Variants in CHODL observed in about 807,000 individuals in gnomAD.
CHODL encodes transmembrane protein MT75.
Under a neutral mutation model 34.5 loss-of-function variants are expected in CHODL, and 29 were observed. The observed-to-expected ratio is 0.84, with a 90% CI of 0.63 to 1.15. The LOEUF is 1.15. CHODL is among the 50% of genes most tolerant of loss of function. CHODL has a pLI of 0.00. For missense variants in CHODL, 332 were observed against 332.5 expected (o/e 1.00, Z 0.01); for synonymous variants, 125 against 116.1 (o/e 1.08, Z -0.49).
intron 2 of CHODL, among the ~76,000 whole-genome samples, chr21:18,056,493 G>C (rs2064582322): frequency 6.7e-6 from 1 of 148,434 alleles, no homozygotes; most frequent in South Asian, 2.1e-4. Flanking sequence ...TTTTTTTGTG[G>C]TGAGTGGGGC....
chr21:18,080,248 G>T (rs1304339265), intron 2 of CHODL, among the ~76,000 whole-genome samples: 1 of 152,000 alleles, frequency 6.6e-6, no homozygotes, highest in Non-Finnish European at 1.5e-5. Context: ...TTTGTTGGAC[G>T]CATAGTTTGT....
At chr21:18,108,836 GTTGTGTGTGTGTGT>G (rs1211221734) in intron 2 of CHODL, among the ~76,000 whole-genome samples, 14 of 109,328 alleles carry the variant, frequency 1.3e-4, no homozygotes, top group Admixed American at 1.2e-3. Flanking sequence ...TCTTTGCAAT[GTTGTGTGTGTGTGT>G]GTGTGTGTGT....
At chr21:18,199,596 CCT>C (rs2073628924) in intron 2 of CHODL, among the ~76,000 whole-genome samples, 1 of 151,954 alleles carries the variant, frequency 6.6e-6, no homozygotes, top group Non-Finnish European at 1.5e-5. Context: ...TAAAAAATCC[CCT>C]TTGTTCCACC....
rs111989168 is a variant in CHODL at position 18,151,935 on chromosome 21, A to G, written c.-44-104574A>G. On this transcript the variant is annotated intron_variant, in intron 2 of 6. Coordinates refer to the CHODL transcript ENST00000400127. ...TCACATTGAGGGTTAGGATTTTAACATGTGGTTTTGAGGGGATACATTCAG... is the reference window on the plus strand; with the variant it reads ...TCACATTGAGGGTTAGGATTTTAACGTGTGGTTTTGAGGGGATACATTCAG... Among the ~76,000 whole-genome samples the G allele has an allele frequency of 3.5e-3, 534 of 151,966 alleles. 5 individuals are homozygous for G. The highest frequency in any genetic ancestry group is 0.012 in the African/African-American group (497 of 41,440).
intron 1 of CHODL, among the ~76,000 whole-genome samples, chr21:17,935,582 C>G (rs542032913): frequency 5.3e-5 from 8 of 152,124 alleles, no homozygotes; most frequent in South Asian, 2.1e-4. Context: ...TGACAAATGT[C>G]AAGAATTATC....
intron 2 of CHODL, among the ~76,000 whole-genome samples, chr21:18,160,917 C>T: frequency 6.6e-6 from 1 of 152,164 alleles, no homozygotes; most frequent in East Asian, 1.9e-4. Context: ...AACTGTCTTC[C>T]ACAATGACTG....
At chr21:18,050,656 G>C (rs2064502381) in intron 2 of CHODL, among the ~76,000 whole-genome samples, 1 of 151,972 alleles carries the variant, frequency 6.6e-6, no homozygotes, top group Non-Finnish European at 1.5e-5. Flanking sequence ...TGAGATGTTA[G>C]TGCTAGTGTG....
intron 5 of CHODL, among the ~76,000 whole-genome samples, chr21:18,265,237 A>ATATATATATGTG (rs1283318248): frequency 0.071 from 10,293 of 144,460 alleles, 484 homozygotes; most frequent in African/African-American, 0.11. Context: ...ATATGTGTGT[A>ATATATATATGTG]TATATATATG....
intron 1 of CHODL, among the ~76,000 whole-genome samples, chr21:17,957,127 TTC>T (rs1405354569): frequency 1.3e-5 from 2 of 152,278 alleles, no homozygotes; most frequent in Admixed American, 1.3e-4. Flanking sequence ...TCCTGGATTT[TTC>T]TCTCTTATTC....
At chr21:18,167,141 A>C (rs1199078498) in intron 2 of CHODL, among the ~76,000 whole-genome samples, 1 of 151,750 alleles carries the variant, frequency 6.6e-6, no homozygotes, top group Non-Finnish European at 1.5e-5. Flanking sequence ...AGGTGAGACA[A>C]ATATCCAATT....
At chr21:18,026,444 AG>A in intron 1 of CHODL, among the ~76,000 whole-genome samples, 1 of 150,250 alleles carries the variant, frequency 6.7e-6, no homozygotes, top group Non-Finnish European at 1.5e-5. Context: ...GGGTTCGACA[AG>A]CTTGGATCAC....
intron 1 of CHODL, among the ~76,000 whole-genome samples, chr21:17,937,157 T>C (rs2063325996): frequency 6.6e-6 from 1 of 151,318 alleles, no homozygotes; most frequent in Admixed American, 6.6e-5. Flanking sequence ...AATCAGACAC[T>C]GGTAAAGTTC....
chr21:18,228,329 C>G (rs1236645685), intron 2 of CHODL, among the ~76,000 whole-genome samples: 1 of 152,092 alleles, frequency 6.6e-6, no homozygotes, highest in Non-Finnish European at 1.5e-5. Flanking sequence ...TAATAAACTT[C>G]TCATGTAAAT....
chr21:18,260,238 AC>A lies in CHODL; in HGVS notation c.587del (p.Thr196LysfsTer18). On this transcript the variant is annotated frameshift_variant, in exon 4 of 6. Transcript: ENST00000299295. LOFTEE classifies it high-confidence loss of function. ...AGCCCCTGTAGAAAAGCCTTATCTT[AC>A]AAATCAACCAGGAGACACCCATCAG... ...PTAPVEKPYL[T>X]NQPGDTHQNV... 2.5e-6 allele frequency: 4 copies of A among 1,582,636 alleles called. No individual in the cohort carries two copies. Among genetic ancestry groups the A allele is most frequent in the Non-Finnish European group, 3.4e-6 (4 of 1,167,330 alleles).
intron 2 of CHODL, among the ~76,000 whole-genome samples, chr21:18,219,223 G>A (rs1485814606): frequency 6.6e-6 from 1 of 152,198 alleles, no homozygotes; most frequent in African/African-American, 2.4e-5. Flanking sequence ...GGGCTGGGGA[G>A]TCCTCAGGAA....
At chr21:18,142,693 T>C (rs1484939558) in intron 2 of CHODL, among the ~76,000 whole-genome samples, 1 of 152,154 alleles carries the variant, frequency 6.6e-6, no homozygotes, top group Non-Finnish European at 1.5e-5. Context: ...AATTTTCAAA[T>C]CTGCAGTTCC....
intron 2 of CHODL, among the ~76,000 whole-genome samples, chr21:18,200,188 C>A (rs1197132719): frequency 6.6e-6 from 1 of 151,836 alleles, no homozygotes; most frequent in Non-Finnish European, 1.5e-5. Context: ...TTTTAAAAAT[C>A]TGTTTTAATT....
intron 3 of CHODL, among the ~76,000 whole-genome samples, chr21:18,259,323 A>G (rs886145903): frequency 1.3e-5 from 2 of 152,178 alleles, no homozygotes; most frequent in African/African-American, 4.8e-5. Context: ...AAAAATAGAA[A>G]ATAGAGCAAT....
upstream of CHODL, among the ~76,000 whole-genome samples, chr21:18,243,088 C>A (rs2074097321): frequency 6.6e-6 from 1 of 152,206 alleles, no homozygotes; most frequent in Non-Finnish European, 1.5e-5. Context: ...CCATGGGTAT[C>A]ACCACCATCA....
Sources: gnomAD v4.1 joint callset for allele counts (sites outside exome capture counted in the v4.1 genomes callset) on GRCh38, gnomAD v4.1.1 for gene constraint, MANE v1.5 for transcripts, NCBI Gene and HGNC (gene_info 2026-07-23, HGNC 2026-07-21) for gene names.